Variants in SLC6A5 observed in about 807,000 individuals in gnomAD.
SLC6A5 encodes sodium- and chloride-dependent glycine transporter 2.
SLC6A5 carries 58 observed loss-of-function variants against 90.5 expected under a neutral mutation model. The ratio of observed to expected loss-of-function variants is 0.64; its 90% CI spans 0.52 to 0.80. The LOEUF (loss-of-function observed/expected upper bound fraction) is 0.80, where lower values mean the gene tolerates loss of function less well. SLC6A5 is among the 30% of genes least tolerant of loss of function. SLC6A5 has a pLI of 0.00. For synonymous variants in SLC6A5, 427 were observed against 401.4 expected, an observed-to-expected ratio of 1.06 and a Z score of -0.76; for missense variants, 1,015 against 1,017.6, an observed-to-expected ratio of 1.00 and a Z score of 0.03.
chr11:20,604,169 G>C (rs909941845), intron 2 of SLC6A5, 117 bp from the exon 3 acceptor site: 15 of 1,317,742 alleles, frequency 1.1e-5, no homozygotes, highest in East Asian at 4.7e-5. Context: ...ATGCATCCTC[G>C]GTTGAGAAGT....
chr11:20,652,540 G>A, intron 15 of SLC6A5, 84 bp downstream of exon 15: 5 of 1,338,552 alleles, frequency 3.7e-6, no homozygotes, highest in Non-Finnish European at 5.4e-6. Context: ...CAAAAGATTC[G>A]GTAAACTTAT....
chr11:20,610,490 G>A (rs1852673960), intron 5 of SLC6A5, among the ~76,000 whole-genome samples: 1 of 152,240 alleles, frequency 6.6e-6, no homozygotes, highest in Non-Finnish European at 1.5e-5. Context: ...TGGGAATCGA[G>A]AGATTTGGTG....
chr11:20,629,808 C>T (rs1200032117), intron 9 of SLC6A5, among the ~76,000 whole-genome samples: 1 of 151,254 alleles, frequency 6.6e-6, no homozygotes, highest in East Asian at 1.9e-4. Context: ...CAGCTCACTG[C>T]AACCTCCACC....
Position 20,655,717 on chromosome 11 carries a change from G to A in SLC6A5, c.*849G>A, listed in dbSNP as rs1447159803. The A allele has an allele frequency of 6.6e-6, 1 of 152,132 alleles. No individual in the cohort carries two copies. The highest frequency in any genetic ancestry group is 2.4e-5 in the African/African-American group (1 of 41,404). The allele number at this position is 152,132 out of a possible 1,614,324, so 9.4% of individuals were successfully genotyped here. On this transcript the variant is annotated 3_prime_UTR_variant, in exon 16 of 16. Transcript: ENST00000525748. ...CACCATGGTTCAATGTCACGATCCT[G>A]TGTTTCTTCTCTAAATGTCTTTCTA...
chr11:20,626,660 A>C (rs777436579), intron 7 of SLC6A5, 48 bp from the exon 8 acceptor site: 6 of 1,603,598 alleles, frequency 3.7e-6, no homozygotes, highest in Non-Finnish European at 5.1e-6. Flanking sequence ...GCACAGGTGC[A>C]CTCTGCAGGG....
Position 20,607,596 on chromosome 11 carries a change from C to G in SLC6A5, c.929C>G (p.Ser310Cys). Reference sequence around the variant, plus strand: ...TTTGTGTCTGTACTACCCTGGGGCTCCTGCAACAACCCTTGGAATACGCCA... The same window carrying G: ...TTTGTGTCTGTACTACCCTGGGGCTGCTGCAACAACCCTTGGAATACGCCA... ...ASFVSVLPWG[S>C]CNNPWNTPEC... is the part of the protein sequence containing the mutation. The change falls in exon 5 of 16, where the codon TCC (serine) becomes TGC (cysteine). Residue 310 changes from serine to cysteine, a missense_variant. By Grantham distance (112) the Ser-to-Cys change is moderately radical (BLOSUM62 -1). Transcript: ENST00000525748. 1 of 1,614,124 alleles carries G rather than the reference C, an allele frequency of 6.2e-7. No homozygotes were observed. The highest frequency in any genetic ancestry group is 8.5e-7 in the Non-Finnish European group (1 of 1,180,008).
At position 20,655,471 on chromosome 11, in the gene SLC6A5, T is replaced by C. The variant is rs530913003; in HGVS notation, c.*603T>C. ...CTGTTTCCTTCGTTTGGATCAGCAA[T>C]CTCCAGTTACCACTAACTCAGATGC... On this transcript the variant is annotated 3_prime_UTR_variant, in exon 16 of 16. Transcript: ENST00000525748. 1 of 159,314 alleles carries C rather than the reference T, an allele frequency of 6.3e-6. No homozygotes were observed. Among genetic ancestry groups the C allele is most frequent in the South Asian group, 1.8e-4 (1 of 5,580 alleles). The allele number at this position is 159,314 out of a possible 1,614,324, so 9.9% of individuals were successfully genotyped here. A position where few individuals can be genotyped will look rare whatever the true frequency, so the allele number is the denominator to read the frequency against.
At chr11:20,615,265 G>C (rs1026631849) in intron 6 of SLC6A5, among the ~76,000 whole-genome samples, 1 of 152,008 alleles carries the variant, frequency 6.6e-6, no homozygotes, top group Non-Finnish European at 1.5e-5. Context: ...TTTAATATCA[G>C]TATTGCTAGG....
chr11:20,600,440 A>G (rs772403267), intron 1 of SLC6A5, among the ~76,000 whole-genome samples: 18 of 152,312 alleles, frequency 1.2e-4, no homozygotes, highest in Middle Eastern at 3.4e-3. Flanking sequence ...AAAGCTTTGC[A>G]TATTCTTTTC....
rs1852463865 is a variant in SLC6A5 at position 20,601,169 on chromosome 11, A to G, written c.44A>G (p.Asn15Ser). 5 of 1,590,780 alleles carry G rather than the reference A, an allele frequency of 3.1e-6. No homozygotes were observed. Among genetic ancestry groups the G allele is most frequent in the Non-Finnish European group, 4.3e-6 (5 of 1,176,236 alleles). Residue 15 changes from asparagine (N) to serine (S), a missense_variant, in exon 2 of 16, where the codon AAC (asparagine) becomes AGC (serine). Asn to Ser is a conservative substitution (Grantham distance 46). Coordinates refer to ENST00000525748, the MANE Select transcript of SLC6A5 (RefSeq NM_004211.5). ...AAGGAAATGAATAAACTGCCAGCCA[A>G]CAGCCCGGAGGCGGCGGCGGCGCAG... ...APKEMNKLPA[N>S]SPEAAAAQGH...
rs865781940 is a variant in SLC6A5, at chr11:20,655,889, T to G, written c.*1021T>G. On this transcript the variant is annotated 3_prime_UTR_variant, in exon 16 of 16. Transcript: ENST00000525748. ...TTTTTCATTCACAGTAAATGCCAAC[T>G]GTGGTCATAGAGAAATCAAAGAAAT... The G allele has an allele frequency of 1.3e-5, 2 of 152,188 alleles. No individual in the cohort carries two copies. Among genetic ancestry groups the G allele is most frequent in the Non-Finnish European group, 1.5e-5 (1 of 68,030 alleles). 9.4% of individuals were successfully genotyped at this position (152,188 alleles called of 1,614,324 possible).
rs1403099552 is a variant in SLC6A5 at position 20,652,165 on chromosome 11, C to T, written c.2071-124C>T. The T allele has an allele frequency of 5.8e-6, 5 of 866,216 alleles. No homozygotes were observed. In the East Asian group the frequency reaches 7.3e-5, roughly 13 times the overall value. 53.7% of individuals were successfully genotyped at this position (866,216 alleles called of 1,614,324 possible). On this transcript the variant is annotated intron_variant, in intron 14 of 15. Coordinates refer to ENST00000525748, the MANE Select transcript of SLC6A5 (RefSeq NM_004211.5). Reference sequence around the variant, plus strand: ...TTTGAAAAATGGATTAATAATACTACTCTTTCGTGGGTATAGAATAATAGA... The same window carrying T: ...TTTGAAAAATGGATTAATAATACTATTCTTTCGTGGGTATAGAATAATAGA...
chr11:20,607,451 T>C (rs755494367), intron 4 of SLC6A5, 28 bp from the exon 5 acceptor site: 59 of 1,613,722 alleles, frequency 3.7e-5, no homozygotes, highest in Middle Eastern at 1.6e-4. Context: ...TAAGATGGAA[T>C]GAACCCCTGG....
chr11:20,601,042 G>A, intron 1 of SLC6A5, 87 bp from the exon 2 acceptor site: 1 of 1,361,350 alleles, frequency 7.3e-7, no homozygotes, highest in South Asian at 1.4e-5. Flanking sequence ...GTCTGGACCT[G>A]AGTTGCGAAC....
chr11:20,628,013 TC>T lies in SLC6A5; in HGVS notation c.1430del (p.Ser477PhefsTer9), dbSNP rs767695215. 7.4e-6 allele frequency: 12 copies of T among 1,614,064 alleles called. No individual in the cohort carries two copies. The highest frequency in any genetic ancestry group is 1.3e-5 in the African/African-American group (1 of 74,918). On this transcript the variant is annotated frameshift_variant, in exon 9 of 16. Coordinates refer to ENST00000525748, the MANE Select transcript of SLC6A5 (RefSeq NM_004211.5). LOFTEE classifies it high-confidence loss of function. ...WKDAATQIFFSLSAAWGGLIT... is the reference protein window; with the variant it reads ...WKDAATQIFFXLSAAWGGLIT... The stretch of plus-strand genomic sequence containing the variant: ...AGATGCTGCCACTCAGATTTTCTTC[TC>T]TTTATCTGCTGCATGGGGAGGCCTG...
intron 2 of SLC6A5, among the ~76,000 whole-genome samples, chr11:20,602,213 T>C (rs1273721826): frequency 1.3e-5 from 2 of 152,218 alleles, no homozygotes; most frequent in East Asian, 3.9e-4. Flanking sequence ...TTTTGGGGCC[T>C]GTCCTTTGCC....
At chr11:20,647,296 A>G (rs1224598514) in intron 14 of SLC6A5, among the ~76,000 whole-genome samples, 3 of 145,844 alleles carry the variant, frequency 2.1e-5, no homozygotes, top group South Asian at 2.1e-4. Context: ...CCTATTATAT[A>G]GGAATTCCTA....
intron 5 of SLC6A5, among the ~76,000 whole-genome samples, chr11:20,612,990 CCTCT>C (rs1427506477): frequency 6.6e-6 from 1 of 152,222 alleles, no homozygotes; most frequent in Non-Finnish European, 1.5e-5. Context: ...ACAGTCCCCA[CCTCT>C]CTCTATTATT....
At chr11:20,615,399 C>T (rs1852765532) in intron 6 of SLC6A5, among the ~76,000 whole-genome samples, 1 of 151,892 alleles carries the variant, frequency 6.6e-6, no homozygotes, top group Admixed American at 6.6e-5. Context: ...GATGGAGTCT[C>T]GCTCTGTTGC....
Sources: allele counts gnomAD v4.1 joint callset (sites outside exome capture counted in the v4.1 genomes callset), GRCh38; gene constraint gnomAD v4.1.1; transcripts MANE v1.5; gene names NCBI Gene and HGNC (gene_info 2026-07-23, HGNC 2026-07-21).